The following SCAMP2 variants were observed in gnomAD, a reference collection of about 807,000 sequenced individuals.
The protein encoded by SCAMP2 is secretory carrier-associated membrane protein 2.
In SCAMP2, 25 loss-of-function variants were observed where a neutral mutation model predicts 44.1. The ratio of observed to expected loss-of-function variants is 0.57; its 90% CI spans 0.41 to 0.79. The LOEUF (loss-of-function observed/expected upper bound fraction) is 0.79, where lower values mean the gene tolerates loss of function less well. Among genes scored for constraint, SCAMP2 ranks in the 30% least tolerant of loss-of-function variants. The pLI, the probability that SCAMP2 is intolerant of heterozygous loss-of-function variation, is 0.00. For synonymous variants in SCAMP2, 156 were observed against 166.0 expected (o/e 0.94, Z 0.46); for missense variants, 355 against 411.0 (o/e 0.86, Z 1.18).
intron 1 of SCAMP2, among the ~76,000 whole-genome samples, chr15:74,862,887 CACACACACACAT>C (rs2064517769): frequency 6.8e-6 from 1 of 147,222 alleles, no homozygotes; most frequent in African/African-American, 2.6e-5. Context: ...CACACACACA[CACACACACACAT>C]ATTTTTAAAA....
chr15:74,865,220 A>C (rs1363760076), intron 1 of SCAMP2, among the ~76,000 whole-genome samples: 1 of 151,618 alleles, frequency 6.6e-6, no homozygotes, highest in Non-Finnish European at 1.5e-5. Flanking sequence ...ATCTCTACTG[A>C]AAATACAAAA....
chr15:74,855,055 TA>T (rs1432076141), intron 1 of SCAMP2, among the ~76,000 whole-genome samples: 3 of 151,716 alleles, frequency 2.0e-5, no homozygotes, highest in Non-Finnish European at 4.4e-5. Flanking sequence ...ATTGACTTTA[TA>T]ACCTTTCTGT....
chr15:74,869,623 A>G (rs2064562745), intron 1 of SCAMP2, among the ~76,000 whole-genome samples: 1 of 152,256 alleles, frequency 6.6e-6, no homozygotes, highest in South Asian at 2.1e-4. Context: ...TGACTCTGGC[A>G]CATACCATCC....
intron 1 of SCAMP2, among the ~76,000 whole-genome samples, chr15:74,863,426 G>A (rs1464522921): frequency 6.6e-6 from 1 of 151,364 alleles, no homozygotes; most frequent in East Asian, 1.9e-4. Context: ...CAGGAGAACT[G>A]CCTGAGCCCA....
chr15:74,851,296 G>A, intron 5 of SCAMP2, 57 bp downstream of exon 5: 1 of 1,588,270 alleles, frequency 6.3e-7, no homozygotes. Flanking sequence ...ACCAAGATGG[G>A]GCTCTCAAGT....
intron 8 of SCAMP2, 111 bp from the exon 9 acceptor site, chr15:74,845,328 C>G (rs2064391923): frequency 3.8e-6 from 6 of 1,579,638 alleles, no homozygotes; most frequent in East Asian, 2.3e-5. Flanking sequence ...CTGCCTGACC[C>G]CCCACCCAGA....
intron 7 of SCAMP2, among the ~76,000 whole-genome samples, chr15:74,845,966 T>C (rs1258682178): frequency 6.6e-6 from 1 of 151,750 alleles, no homozygotes; most frequent in East Asian, 1.9e-4. Context: ...AAGACCAACC[T>C]GGGCAACAGA....
rs1311052292 is a variant in SCAMP2, at chr15:74,854,562, A to G, written c.126+19T>C. 6 of 1,584,260 alleles carry G rather than the reference A, an allele frequency of 3.8e-6. No individual in the cohort carries two copies. Among genetic ancestry groups the G allele is most frequent in the Non-Finnish European group, 5.2e-6 (6 of 1,164,504 alleles). ...CCCTAGAGGGCCATGGGACTTGGAA[A>G]GAGGGCCTGCTCACCAACCTCTGAG... On this transcript the variant is annotated intron_variant, in intron 2 of 8. Coordinates refer to ENST00000268099, the MANE Select transcript of SCAMP2 (RefSeq NM_005697.5).
In SCAMP2 at chr15:74,867,276, T is replaced by A. The variant is rs1333221564; in HGVS notation, c.57+5923A>T. Among the ~76,000 whole-genome samples, 3 of 152,256 alleles carry A rather than the reference T, an allele frequency of 2.0e-5. No homozygotes were observed. In the East Asian group the frequency reaches 5.8e-4, roughly 29 times the overall value. Reference sequence around the variant, plus strand: ...TTTGCAAATGTGCACAGCACTCTTCTCTGAATGAACAGCAAGTACCCCTTG... The same window carrying A: ...TTTGCAAATGTGCACAGCACTCTTCACTGAATGAACAGCAAGTACCCCTTG... On this transcript the variant is annotated intron_variant, in intron 1 of 8. Transcript: ENST00000268099.
intron 1 of SCAMP2, among the ~76,000 whole-genome samples, chr15:74,868,691 T>A (rs2064557744): frequency 6.6e-6 from 1 of 152,116 alleles, no homozygotes; most frequent in Non-Finnish European, 1.5e-5. Context: ...CACAGGTGCA[T>A]GCCACCACAC....
intron 7 of SCAMP2, among the ~76,000 whole-genome samples, chr15:74,846,142 C>T (rs752563085): frequency 2.6e-5 from 4 of 152,050 alleles, no homozygotes; most frequent in African/African-American, 4.8e-5. Context: ...ATTAGCTGCG[C>T]GTGGTTGCAC....
chr15:74,855,807 C>G (rs963187573), intron 1 of SCAMP2, among the ~76,000 whole-genome samples: 3 of 151,574 alleles, frequency 2.0e-5, no homozygotes, highest in Non-Finnish European at 4.4e-5. Flanking sequence ...ATCGGGCACA[C>G]TTGCTAAGAG....
Position 74,873,182 on chromosome 15 carries a change from C to A in SCAMP2, c.57+17G>T. On this transcript the variant is annotated intron_variant, in intron 1 of 8. Coordinates refer to ENST00000268099, the MANE Select transcript of SCAMP2 (RefSeq NM_005697.5). ...CTAGGGAAATCTGAGAGCTGGATGG[C>A]GGGAGAGGGGCTCTACCTGGAAGGG... The A allele has an allele frequency of 2.8e-6, 4 of 1,428,656 alleles. No individual in the cohort carries two copies. Among genetic ancestry groups the A allele is most frequent in the Non-Finnish European group, 3.7e-6 (4 of 1,094,356 alleles). 88.5% of individuals were successfully genotyped at this position (1,428,656 alleles called of 1,614,324 possible). A position where few individuals can be genotyped will look rare whatever the true frequency, so the allele number is the denominator to read the frequency against.
chr15:74,846,451 AAAAAAAAAAAAG>A (rs1364212836), intron 7 of SCAMP2, among the ~76,000 whole-genome samples: 1 of 102,340 alleles, frequency 9.8e-6, no homozygotes, highest in Non-Finnish European at 2.6e-5. Context: ...GTCTCCAAAA[AAAAAAAAAAAAG>A]AAAAGAAAAA....
rs376862263 is a variant in SCAMP2 at position 74,845,110 on chromosome 15, A to G, written c.963T>C (p.Ala321=). 6.1e-5 allele frequency: 99 copies of G among 1,613,906 alleles called. No homozygotes were observed. Among genetic ancestry groups the G allele is most frequent in the Non-Finnish European group, 8.0e-5 (94 of 1,179,950 alleles). ...SRTFHRAASS[A]AQGAFQGN ...AATTCCCCTGGAAGGCTCCTTGGGCAGCAGATGAAGCAGCTCTGTGGAAGG... is the reference window on the plus strand; with the variant it reads ...AATTCCCCTGGAAGGCTCCTTGGGCGGCAGATGAAGCAGCTCTGTGGAAGG... The change falls in exon 9 of 9, where the codon GCT becomes GCC. Residue 321 remains alanine (A), a synonymous_variant. Transcript: ENST00000268099.
chr15:74,852,379 C>T (rs1253904373), intron 3 of SCAMP2, 193 bp from the exon 4 acceptor site: 1 of 411,172 alleles, frequency 2.4e-6, no homozygotes, highest in Non-Finnish European at 4.3e-6. Context: ...CTTCCACTGC[C>T]CCCACACCTT....
chr15:74,864,673 G>A (rs908737825), intron 1 of SCAMP2, among the ~76,000 whole-genome samples: 2 of 152,184 alleles, frequency 1.3e-5, no homozygotes, highest in Admixed American at 6.5e-5. Flanking sequence ...AGCAGCTGGG[G>A]ATGGAGAAGA....
At chr15:74,872,023 C>T (rs925822021) in intron 1 of SCAMP2, among the ~76,000 whole-genome samples, 1 of 151,680 alleles carries the variant, frequency 6.6e-6, no homozygotes, top group Non-Finnish European at 1.5e-5. Context: ...CCAGCCTGGG[C>T]GACAGAGCAA....
At chr15:74,858,887 A>G (rs1260220169) in intron 1 of SCAMP2, among the ~76,000 whole-genome samples, 2 of 136,086 alleles carry the variant, frequency 1.5e-5, no homozygotes, top group Non-Finnish European at 3.0e-5. Flanking sequence ...ATCTCAGCTC[A>G]CTGCAAGCTC....
Sources: allele counts gnomAD v4.1 joint callset (sites outside exome capture counted in the v4.1 genomes callset), GRCh38; gene constraint gnomAD v4.1.1; transcripts MANE v1.5; gene names NCBI Gene and HGNC (gene_info 2026-07-23, HGNC 2026-07-21).